Variants in SHISA9 observed in about 807,000 individuals in gnomAD.
The protein encoded by SHISA9 is shisa family member 9, also known as protein shisa-9.
Under a neutral mutation model 38.0 loss-of-function variants are expected in SHISA9, and 13 were observed. The observed-to-expected ratio is 0.34, with a 90% CI of 0.22 to 0.54. The LOEUF (loss-of-function observed/expected upper bound fraction) is 0.54. Among genes scored for constraint, SHISA9 ranks in the 20% least tolerant of loss-of-function variants. The probability of loss-of-function intolerance (pLI) is 0.91; values close to 1 mark genes in which losing one functional copy is unlikely to be tolerated. For synonymous variants in SHISA9, 275 were observed against 242.0 expected (o/e 1.14, Z -1.27); for missense variants, 538 against 575.8 (o/e 0.93, Z 0.67).
chr16:13,372,765 A>C, the SHISA9 span, among the ~76,000 whole-genome samples: 1 of 152,226 alleles, frequency 6.6e-6, no homozygotes, highest in East Asian at 1.9e-4. Flanking sequence ...GCAAGATTGC[A>C]AAGGACGTAA....
chr16:13,490,620 T>C, the SHISA9 span, among the ~76,000 whole-genome samples: 1 of 152,080 alleles, frequency 6.6e-6, no homozygotes, highest in Admixed American at 6.5e-5. Flanking sequence ...GTAAACTGAG[T>C]CTGAGTCTTT....
the SHISA9 span, among the ~76,000 whole-genome samples, chr16:13,474,034 C>G: frequency 1.3e-5 from 2 of 152,142 alleles, no homozygotes; most frequent in African/African-American, 2.4e-5. Flanking sequence ...GAAGCCCTAA[C>G]AAGAAGGATG....
At chr16:13,472,539 C>T in the SHISA9 span, among the ~76,000 whole-genome samples, 1 of 151,446 alleles carries the variant, frequency 6.6e-6, no homozygotes, top group African/African-American at 2.4e-5. Context: ...CTACAGGCAC[C>T]CGCCACCAAG....
chr16:13,415,474 A>G, the SHISA9 span, among the ~76,000 whole-genome samples: 108,926 of 152,114 alleles, frequency 0.72, 39,350 homozygotes, highest in Admixed American at 0.82. Context: ...CAGGAAAAAT[A>G]AGTAATAGGG....
At chr16:13,348,885 C>G in the SHISA9 span, among the ~76,000 whole-genome samples, 1 of 152,050 alleles carries the variant, frequency 6.6e-6, no homozygotes, top group Non-Finnish European at 1.5e-5. Flanking sequence ...GCCTCACCAG[C>G]TTGTTTTCTC....
downstream of SHISA9, among the ~76,000 whole-genome samples, chr16:13,241,344 TAAAAATAC>T (rs1462055272): frequency 2.0e-5 from 3 of 151,982 alleles, no homozygotes; most frequent in East Asian, 5.8e-4. Flanking sequence ...CCATCTTTAT[TAAAAATAC>T]AAAATTAGCT....
At chr16:12,964,496 A>C (rs1304150895) in intron 2 of SHISA9, among the ~76,000 whole-genome samples, 1 of 152,162 alleles carries the variant, frequency 6.6e-6, no homozygotes, top group African/African-American at 2.4e-5. Flanking sequence ...TGATCCAGCA[A>C]TGTTAATGTC....
chr16:13,401,158 A>G, the SHISA9 span, among the ~76,000 whole-genome samples: 320 of 152,320 alleles, frequency 2.1e-3, 4 homozygotes, highest in Non-Finnish European at 4.9e-4. Flanking sequence ...TTGAGTGCCT[A>G]TGTGCCAGAA....
chr16:12,973,904 G>A (rs893281922), intron 2 of SHISA9, among the ~76,000 whole-genome samples: 5 of 152,126 alleles, frequency 3.3e-5, no homozygotes, highest in Admixed American at 1.3e-4. Context: ...GATTAGTAAC[G>A]TATTCTTCAA....
intron 2 of SHISA9, among the ~76,000 whole-genome samples, chr16:13,151,383 A>G (rs1263230361): frequency 3.3e-5 from 5 of 152,172 alleles, no homozygotes; most frequent in Non-Finnish European, 7.3e-5. Flanking sequence ...CTGGGATGAC[A>G]GGCATGAGCC....
intron 2 of SHISA9, among the ~76,000 whole-genome samples, chr16:12,949,894 A>G (rs991656561): frequency 3.3e-5 from 5 of 152,094 alleles, no homozygotes; most frequent in African/African-American, 9.7e-5. Flanking sequence ...TCTTCTAACT[A>G]TTTTGATATA....
At chr16:13,329,272 C>T in the SHISA9 span, among the ~76,000 whole-genome samples, 5 of 152,126 alleles carry the variant, frequency 3.3e-5, no homozygotes, top group Non-Finnish European at 7.3e-5. Flanking sequence ...TTCTTGCAAG[C>T]GAGAGAGCTG....
chr16:13,436,911 C>G, the SHISA9 span, among the ~76,000 whole-genome samples: 2 of 152,198 alleles, frequency 1.3e-5, no homozygotes, highest in South Asian at 2.1e-4. Flanking sequence ...TCAGGGTAAC[C>G]TTTGGTTTCA....
chr16:13,337,338 A>G, the SHISA9 span, among the ~76,000 whole-genome samples: 2 of 151,520 alleles, frequency 1.3e-5, no homozygotes, highest in Admixed American at 1.3e-4. Context: ...ATAAAGGGAA[A>G]CCCCTTTCCC....
At chr16:13,356,195 A>G in the SHISA9 span, among the ~76,000 whole-genome samples, 1 of 152,308 alleles carries the variant, frequency 6.6e-6, no homozygotes, top group South Asian at 2.1e-4. Context: ...GGTTAATTAA[A>G]TCCTGTTGTG....
At chr16:13,416,716 GAGAAAGAAAGGAAGAA>G in the SHISA9 span, among the ~76,000 whole-genome samples, 1 of 142,572 alleles carries the variant, frequency 7.0e-6, no homozygotes, top group Non-Finnish European at 1.5e-5. Flanking sequence ...AAAGAAGAAA[GAGAAAGAAAGGAAGAA>G]AGAAAGAAAG....
intron 2 of SHISA9, among the ~76,000 whole-genome samples, chr16:13,067,032 G>A (rs1382419890): frequency 1.3e-5 from 2 of 152,214 alleles, no homozygotes. Context: ...GGGTATTAGG[G>A]TGGATGTTCA....
At chr16:13,539,311 TA>T in the SHISA9 span, among the ~76,000 whole-genome samples, 1 of 49,860 alleles carries the variant, frequency 2.0e-5, no homozygotes, top group Admixed American at 2.6e-4. Flanking sequence ...TACATATATA[TA>T]TATATAAAGA....
intron 2 of SHISA9, among the ~76,000 whole-genome samples, chr16:13,077,553 G>T (rs183864009): frequency 7.2e-4 from 110 of 152,256 alleles, no homozygotes; most frequent in African/African-American, 2.5e-3. Flanking sequence ...TTGAGGAGCA[G>T]TTCTTAGAAA....
Sources: allele counts gnomAD v4.1 joint callset (sites outside exome capture counted in the v4.1 genomes callset), GRCh38; gene constraint gnomAD v4.1.1; transcripts MANE v1.5; gene names NCBI Gene and HGNC (gene_info 2026-07-23, HGNC 2026-07-21).